Variants in THSD7B observed in about 807,000 individuals in gnomAD.
THSD7B encodes the protein thrombospondin type 1 domain containing 7B, also known as thrombospondin type-1 domain-containing protein 7B.
A neutral mutation model predicts 213.6 loss-of-function variants in THSD7B; 138 were observed. The ratio of observed to expected loss-of-function variants is 0.65; its 90% CI spans 0.56 to 0.74. The LOEUF is 0.74. Among genes scored for constraint, THSD7B ranks in the 30% least tolerant of loss-of-function variants. THSD7B has a pLI of 0.00. For missense variants in THSD7B, 1,931 were observed against 1,991.5 expected, an observed-to-expected ratio of 0.97 and a Z score of 0.58; for synonymous variants, 742 against 687.0, an observed-to-expected ratio of 1.08 and a Z score of -1.25.
chr2:136,825,718 A>ATTTTTTTTTTTTTGGTTTTTT (rs1553451023), intron 1 of THSD7B, among the ~76,000 whole-genome samples: 1 of 116,896 alleles, frequency 8.6e-6, no homozygotes. Flanking sequence ...TGCCTGGCTA[A>ATTTTTTTTTTTTTGGTTTTTT]TTTTTTTTTT....
chr2:137,342,851 G>A (rs1348690448), intron 12 of THSD7B, among the ~76,000 whole-genome samples: 1 of 151,620 alleles, frequency 6.6e-6, no homozygotes, highest in African/African-American at 2.4e-5. Context: ...TTTGCATACG[G>A]TAAACCATCC....
chr2:137,131,722 C>G (rs1205954402), intron 5 of THSD7B, among the ~76,000 whole-genome samples: 3 of 152,170 alleles, frequency 2.0e-5, no homozygotes, highest in Non-Finnish European at 4.4e-5. Flanking sequence ...GAGCTCTGTT[C>G]TGTTCCATTG....
chr2:137,193,199 T>C (rs889162616), intron 7 of THSD7B, among the ~76,000 whole-genome samples: 8 of 152,164 alleles, frequency 5.3e-5, no homozygotes, highest in Non-Finnish European at 1.0e-4. Flanking sequence ...ATTTGGAATA[T>C]CACACATGTG....
At chr2:137,095,168 ATGT>A (rs755653507) in intron 4 of THSD7B, 47 bp downstream of exon 4, 1 of 1,600,560 alleles carries the variant, frequency 6.2e-7, no homozygotes, top group African/African-American at 1.3e-5. Flanking sequence ...GCATAATTTA[ATGT>A]TGTAGGAATG....
intron 12 of THSD7B, among the ~76,000 whole-genome samples, chr2:137,322,415 C>G: frequency 6.6e-6 from 1 of 152,186 alleles, no homozygotes; most frequent in East Asian, 1.9e-4. Flanking sequence ...ACAGCCAGAA[C>G]AGTTACTTTT....
chr2:137,268,600 C>T lies in THSD7B; in HGVS notation c.2267-3933C>T, dbSNP rs576877137. ...GCTGGTGGTAGTATAGCAGTGAGGACGACCAGAGGTCACTTTTGTGGCCAC... is the reference window on the plus strand; with the variant it reads ...GCTGGTGGTAGTATAGCAGTGAGGATGACCAGAGGTCACTTTTGTGGCCAC... On this transcript the variant is annotated intron_variant, in intron 10 of 27. Transcript: ENST00000409968. 2.4e-4 allele frequency among the ~76,000 whole-genome samples: 37 copies of T among 152,256 alleles called. 1 individual carries two copies. The Middle Eastern group carries it at 0.01, about 42-fold the overall frequency.
At chr2:137,375,738 C>T (rs1297541343) in intron 12 of THSD7B, among the ~76,000 whole-genome samples, 1 of 152,150 alleles carries the variant, frequency 6.6e-6, no homozygotes, top group African/African-American at 2.4e-5. Context: ...GCGTGGTCTC[C>T]AGAGAAACCA....
chr2:137,536,313 A>G (rs1241082419), intron 15 of THSD7B, among the ~76,000 whole-genome samples: 1 of 151,424 alleles, frequency 6.6e-6, no homozygotes, highest in African/African-American at 2.4e-5. Flanking sequence ...CTGAGTCTCA[A>G]AAATTCATGG....
intron 4 of THSD7B, among the ~76,000 whole-genome samples, chr2:137,105,212 A>C (rs1436586958): frequency 6.6e-6 from 1 of 152,212 alleles, no homozygotes; most frequent in African/African-American, 2.4e-5. Flanking sequence ...ATTCACCATG[A>C]TCAAGTCAGC....
chr2:136,811,977 A>G (rs1484140900), intron 1 of THSD7B, among the ~76,000 whole-genome samples: 2 of 152,198 alleles, frequency 1.3e-5, no homozygotes, highest in Non-Finnish European at 2.9e-5. Flanking sequence ...AATTCCTCTA[A>G]GACTATGCTT....
intron 3 of THSD7B, among the ~76,000 whole-genome samples, chr2:137,063,154 T>C (rs1453798960): frequency 6.6e-6 from 1 of 151,756 alleles, no homozygotes; most frequent in Non-Finnish European, 1.5e-5. Context: ...GCTAGCATAG[T>C]ATATCTATGC....
chr2:137,444,473 G>GCAC (rs1687484753), intron 14 of THSD7B, among the ~76,000 whole-genome samples: 1 of 151,600 alleles, frequency 6.6e-6, no homozygotes, highest in Non-Finnish European at 1.5e-5. Context: ...TGAAGTCATT[G>GCAC]GATACTTTTT....
At chr2:137,381,168 G>T (rs1685765112) in intron 12 of THSD7B, among the ~76,000 whole-genome samples, 1 of 152,248 alleles carries the variant, frequency 6.6e-6, no homozygotes, top group African/African-American at 2.4e-5. Flanking sequence ...GCTGCAACAT[G>T]GATTGTGGTA....
intron 1 of THSD7B, among the ~76,000 whole-genome samples, chr2:136,855,602 ATTATTTAT>A (rs1553453364): frequency 2.0e-3 from 38 of 19,342 alleles, no homozygotes; most frequent in African/African-American, 3.9e-3. Flanking sequence ...TTATTTATTT[ATTATTTAT>A]TTATTTATTT....
intron 10 of THSD7B, among the ~76,000 whole-genome samples, chr2:137,246,216 G>GA (rs1001439289): frequency 6.6e-6 from 1 of 152,236 alleles, no homozygotes; most frequent in Middle Eastern, 3.4e-3. Flanking sequence ...GAAGACAGAA[G>GA]AACTCCTTTT....
intron 1 of THSD7B, among the ~76,000 whole-genome samples, chr2:136,847,897 G>T (rs1372363026): frequency 6.6e-6 from 1 of 152,148 alleles, no homozygotes; most frequent in Non-Finnish European, 1.5e-5. Context: ...ATGCAGCCCA[G>T]CTTAGCCTTA....
At chr2:137,554,990 T>C (rs1458099419) in intron 15 of THSD7B, among the ~76,000 whole-genome samples, 2 of 152,138 alleles carry the variant, frequency 1.3e-5, no homozygotes, top group Non-Finnish European at 2.9e-5. Flanking sequence ...ACAGCAAGTC[T>C]GAGGGAGGGG....
intron 1 of THSD7B, among the ~76,000 whole-genome samples, chr2:136,836,130 CA>C (rs1470527816): frequency 8.5e-5 from 13 of 152,096 alleles, no homozygotes; most frequent in African/African-American, 2.9e-4. Flanking sequence ...AACTGCTAGT[CA>C]AAACAGTGTA....
intron 1 of THSD7B, among the ~76,000 whole-genome samples, chr2:136,767,673 T>C (rs967685413): frequency 1.2e-4 from 18 of 152,198 alleles, no homozygotes; most frequent in Admixed American, 1.0e-3. Flanking sequence ...TAGTCTCGTA[T>C]AAATCAGCAC....
Sources: allele counts gnomAD v4.1 joint callset (sites outside exome capture counted in the v4.1 genomes callset), GRCh38; gene constraint gnomAD v4.1.1; transcripts MANE v1.5; gene names NCBI Gene and HGNC (gene_info 2026-07-23, HGNC 2026-07-21).